Variants in RALGAPA1 observed in about 807,000 individuals in gnomAD.
RALGAPA1 encodes ral GTPase-activating protein subunit alpha-1.
A neutral mutation model predicts 269.6 loss-of-function variants in RALGAPA1; 52 were observed. The observed-to-expected ratio is 0.19, with a 90% CI of 0.15 to 0.24. The LOEUF is 0.24. Ranked by LOEUF, RALGAPA1 falls within the 10% of genes least tolerant of loss-of-function variation. The probability of loss-of-function intolerance (pLI) is 1.00; values close to 1 mark genes in which losing one functional copy is unlikely to be tolerated. For synonymous variants in RALGAPA1, 817 were observed against 1,008.3 expected, an observed-to-expected ratio of 0.81 and a Z score of 3.60; for missense variants, 1,917 against 3,013.9, an observed-to-expected ratio of 0.64 and a Z score of 8.52.
At chr14:35,794,977 C>T (rs1406271351) in intron 1 of RALGAPA1, among the ~76,000 whole-genome samples, 1 of 152,094 alleles carries the variant, frequency 6.6e-6, no homozygotes. Flanking sequence ...AAAATGGGGA[C>T]CAAGTTGCTT....
intron 35 of RALGAPA1, among the ~76,000 whole-genome samples, chr14:35,608,373 T>A (rs1483126064): frequency 1.3e-5 from 2 of 152,140 alleles, no homozygotes; most frequent in Non-Finnish European, 2.9e-5. Flanking sequence ...AAACAATTTT[T>A]AAAAAATCTG....
intron 7 of RALGAPA1, 27 bp downstream of exon 7, chr14:35,756,766 T>C (rs747061575): frequency 1.3e-5 from 19 of 1,428,900 alleles, no homozygotes; most frequent in Admixed American, 1.0e-4. Context: ...TAGTAAGGAG[T>C]GTGATATCAA....
intron 37 of RALGAPA1, among the ~76,000 whole-genome samples, chr14:35,583,835 C>T (rs74983975): frequency 0.011 from 1,658 of 152,250 alleles, 33 homozygotes; most frequent in Admixed American, 0.034. Flanking sequence ...AAATACCACA[C>T]ACCTAGAATT....
intron 35 of RALGAPA1, 147 bp downstream of exon 35, chr14:35,625,214 C>T (rs946303310): frequency 7.3e-6 from 3 of 409,118 alleles, no homozygotes; most frequent in African/African-American, 4.3e-5. Flanking sequence ...CTATGCAGTC[C>T]TAAATTTTCC....
chr14:35,595,535 A>G (rs2058881025), intron 37 of RALGAPA1, 99 bp downstream of exon 37: 1 of 1,101,876 alleles, frequency 9.1e-7, no homozygotes, highest in Non-Finnish European at 1.4e-6. Flanking sequence ...CTACAACCAG[A>G]AACAGTGCTT....
At chr14:35,805,720 T>G (rs565575561) in intron 1 of RALGAPA1, among the ~76,000 whole-genome samples, 90 of 150,920 alleles carry the variant, frequency 6.0e-4, no homozygotes, top group Non-Finnish European at 1.0e-3. Context: ...AGTCTCGCTC[T>G]GTTGCCCAGG....
chr14:35,597,800 G>GATGT (rs1279549361), intron 36 of RALGAPA1, among the ~76,000 whole-genome samples: 3 of 152,138 alleles, frequency 2.0e-5, no homozygotes, highest in Admixed American at 2.0e-4. Context: ...AAGGACATAG[G>GATGT]ATGTAACCTT....
In RALGAPA1 at chr14:35,750,644, T is replaced by C. The variant is rs2072595502; in HGVS notation, c.849A>G (p.Lys283=). ...RPKPHYVVIK[K]DAETNEAIYC... ...AGATTGCTTCATTGGTTTCAGCATC[T>C]TTCTTTATCACGACATAATGTGGCT... The change falls in exon 9 of 42, where the codon AAA becomes AAG. Residue 283 remains lysine (K), a synonymous_variant. Coordinates refer to ENST00000680220, the MANE Select transcript of RALGAPA1 (RefSeq NM_001346249.2). 2 of 1,613,358 alleles carry C rather than the reference T, an allele frequency of 1.2e-6. No homozygotes were observed. The highest frequency in any genetic ancestry group is 1.7e-6 in the Non-Finnish European group (2 of 1,179,608).
chr14:35,562,207 T>C (rs1490730300), intron 39 of RALGAPA1, among the ~76,000 whole-genome samples: 1 of 152,182 alleles, frequency 6.6e-6, no homozygotes, highest in Non-Finnish European at 1.5e-5. Flanking sequence ...GTGGTACAAA[T>C]GTTAAAGCAG....
intron 39 of RALGAPA1, among the ~76,000 whole-genome samples, chr14:35,551,810 T>C (rs1468355584): frequency 6.6e-6 from 1 of 152,042 alleles, no homozygotes; most frequent in Non-Finnish European, 1.5e-5. Context: ...TATCCAGATA[T>C]AACATACTCA....
intron 7 of RALGAPA1, among the ~76,000 whole-genome samples, chr14:35,753,688 G>T (rs1251905322): frequency 6.6e-6 from 1 of 152,120 alleles, no homozygotes; most frequent in African/African-American, 2.4e-5. Flanking sequence ...GGGTGGGGAT[G>T]AAAGGGTTGA....
intron 4 of RALGAPA1, chr14:35,766,728 G>A (rs2074182331): frequency 3.6e-6 from 2 of 549,950 alleles, no homozygotes; most frequent in African/African-American, 3.8e-5. Context: ...AGCACAGAAA[G>A]TGAGATGCCT....
chr14:35,657,489 C>CT (rs2140083768), intron 28 of RALGAPA1, among the ~76,000 whole-genome samples: 1 of 150,886 alleles, frequency 6.6e-6, no homozygotes, highest in African/African-American at 2.4e-5. Context: ...CACGCCTGGC[C>CT]TGGGAGTATG....
intron 1 of RALGAPA1, among the ~76,000 whole-genome samples, chr14:35,793,345 C>A (rs369305972): frequency 5.0e-4 from 76 of 151,706 alleles, no homozygotes; most frequent in African/African-American, 1.7e-3. Context: ...TCAAGCAATT[C>A]TCCCACCTCA....
intron 26 of RALGAPA1, among the ~76,000 whole-genome samples, chr14:35,669,575 A>T (rs1304416357): frequency 1.3e-5 from 2 of 152,172 alleles, no homozygotes; most frequent in Non-Finnish European, 2.9e-5. Flanking sequence ...ATAGATGAAG[A>T]AACTGAGACA....
At chr14:35,627,041 A>C in intron 34 of RALGAPA1, 49 bp downstream of exon 34, 1 of 1,395,720 alleles carries the variant, frequency 7.2e-7, no homozygotes, top group Non-Finnish European at 9.4e-7. Context: ...CAGAAGATGA[A>C]TAAGACCGAA....
chr14:35,805,673 TTTTC>T (rs1053107286), intron 1 of RALGAPA1, among the ~76,000 whole-genome samples: 1 of 150,592 alleles, frequency 6.6e-6, no homozygotes. Context: ...TATATATATT[TTTTC>T]TTTTTCTTTT....
chr14:35,569,943 C>T (rs1442624525), intron 39 of RALGAPA1, among the ~76,000 whole-genome samples: 1 of 152,082 alleles, frequency 6.6e-6, no homozygotes. Flanking sequence ...TAATGGGACT[C>T]TAATTAACCA....
rs553668334 is a variant in RALGAPA1, at chr14:35,678,456, C to G, written c.4472-354G>C. On this transcript the variant is annotated intron_variant, in intron 21 of 41. Transcript: ENST00000680220. ...AATCAGACTTGGGGCAATTTAAGAA[C>G]TGAGGCACTTGCTCACTGCTGCTCT... Among the ~76,000 whole-genome samples the G allele has an allele frequency of 2.6e-5, 4 of 152,298 alleles. No individual in the cohort carries two copies. In the South Asian group the frequency reaches 8.3e-4, roughly 32 times the overall value.
Sources: allele counts gnomAD v4.1 joint callset (sites outside exome capture counted in the v4.1 genomes callset), GRCh38; gene constraint gnomAD v4.1.1; transcripts MANE v1.5; gene names NCBI Gene and HGNC (gene_info 2026-07-23, HGNC 2026-07-21).